Variants in CENPN observed in about 807,000 individuals in gnomAD.
CENPN encodes the protein interphase centromere complex protein 32.
CENPN carries 36 observed loss-of-function variants against 48.6 expected under a neutral mutation model. The observed-to-expected ratio is 0.74, with a 90% confidence interval of 0.57 to 0.98. CENPN has a LOEUF of 0.98. CENPN is among the 50% of genes least tolerant of loss of function. The pLI, the probability that CENPN is intolerant of heterozygous loss-of-function variation, is 0.00. For synonymous variants in CENPN, 166 were observed against 135.2 expected (o/e 1.23, Z -1.58); for missense variants, 439 against 399.2 (o/e 1.10, Z -0.85).
At position 81,030,182 on chromosome 16, in the gene CENPN, T is replaced by G; in HGVS notation, c.*1531T>G. ...GGTTATTACAATTCAAGGTGACACT[T>G]GTGTGGAGACACAGCCAAACCATAT... is the stretch of plus-strand genomic sequence containing the variant. On this transcript the variant is annotated 3_prime_UTR_variant, in exon 11 of 11. Transcript: ENST00000305850. 1 of 985,204 alleles carries G rather than the reference T, an allele frequency of 1.0e-6. No homozygotes were observed. The highest frequency in any genetic ancestry group is 1.2e-6 in the Non-Finnish European group (1 of 829,704). The allele number at this position is 985,204 out of a possible 1,614,324, so 61.0% of individuals were successfully genotyped here. A position where few individuals can be genotyped will look rare whatever the true frequency, so the allele number is the denominator to read the frequency against.
chr16:81,022,206 T>C (rs151176759), intron 6 of CENPN: 2 of 231,010 alleles, frequency 8.7e-6, no homozygotes, highest in East Asian at 1.3e-4. Context: ...TACACACTTA[T>C]TTCTTCAGTA....
rs201073061 is a variant in CENPN at position 81,028,658 on chromosome 16, C to T, written c.*7C>T. ...TAAAATTAGAGATAAATAAGACGTG[C>T]GTGGTTTCTTAAGCACAGCTCCTCC... On this transcript the variant is annotated 3_prime_UTR_variant, in exon 11 of 11. Transcript: ENST00000305850. The T allele has an allele frequency of 3.0e-4, 481 of 1,608,554 alleles. No homozygotes were observed. Among genetic ancestry groups the T allele is most frequent in the Middle Eastern group, 6.6e-4 (4 of 6,050 alleles).
chr16:81,007,766 G>A (rs1969513194), intron 1 of CENPN, among the ~76,000 whole-genome samples: 1 of 152,158 alleles, frequency 6.6e-6, no homozygotes, highest in African/African-American at 2.4e-5. Flanking sequence ...CAGATCTTGA[G>A]CATCTACTGT....
At chr16:81,020,680 AC>A (rs1438898046) in intron 6 of CENPN, among the ~76,000 whole-genome samples, 1 of 152,196 alleles carries the variant, frequency 6.6e-6, no homozygotes, top group Non-Finnish European at 1.5e-5. Context: ...TGCAACCGAT[AC>A]AGAAGTCTCT....
chr16:81,031,542 G>A (rs1209895571), downstream of CENPN: 1 of 152,144 alleles, frequency 6.6e-6, no homozygotes, highest in Non-Finnish European at 1.5e-5. Context: ...GAATTGAGTG[G>A]GACAAAAAAG....
chr16:81,020,524 T>C (rs1005725465), intron 6 of CENPN: 11 of 347,734 alleles, frequency 3.2e-5, no homozygotes, highest in South Asian at 8.7e-5. Flanking sequence ...AAAAAAGATA[T>C]AGAATACCAC....
intron 8 of CENPN, among the ~76,000 whole-genome samples, chr16:81,025,528 T>C (rs1444334967): frequency 6.6e-6 from 1 of 152,064 alleles, no homozygotes; most frequent in Non-Finnish European, 1.5e-5. Flanking sequence ...AATCAGGATA[T>C]AAAATTGTGT....
chr16:81,014,433 G>C (rs147317575), intron 3 of CENPN: 45 of 435,160 alleles, frequency 1.0e-4, no homozygotes, highest in Non-Finnish European at 5.0e-5. Flanking sequence ...AGGTTTTGCC[G>C]TGTTGCCCAG....
intron 2 of CENPN, among the ~76,000 whole-genome samples, chr16:81,013,280 G>T (rs144176880): frequency 4.7e-4 from 71 of 152,340 alleles, no homozygotes; most frequent in African/African-American, 1.7e-3. Context: ...CCAAAAAAAT[G>T]AGTACACACT....
intron 3 of CENPN, among the ~76,000 whole-genome samples, chr16:81,014,658 A>G (rs1969867480): frequency 6.6e-6 from 1 of 152,180 alleles, no homozygotes; most frequent in African/African-American, 2.4e-5. Context: ...AAGCAGAGAT[A>G]ATAGTACATT....
chr16:81,025,689 CTCTTTTTTTTTTT>C (rs138998629), intron 8 of CENPN, among the ~76,000 whole-genome samples: 90,297 of 135,090 alleles, frequency 0.67, 32,692 homozygotes, highest in South Asian at 0.82. Flanking sequence ...GACCCTGTCT[CTCTTTTTTTTTTT>C]TTTTTTTTTT....
In CENPN at chr16:81,024,882, TTTA is replaced by T. The variant is rs1402092531; in HGVS notation, c.697+107_697+109del. The stretch of plus-strand genomic sequence containing the variant: ...TATAGTAGGATCCTAATTTAAAACT[TTTA>T]TTGTTTTCAGAAAAATTGAAAAGTA... On this transcript the variant is annotated intron_variant, in intron 8 of 10. Coordinates refer to ENST00000305850, the MANE Select transcript of CENPN (RefSeq NM_001100624.3). 6.4e-5 allele frequency: 42 copies of T among 655,850 alleles called. No individual in the cohort carries two copies. In the African/African-American group the frequency reaches 7.5e-4, roughly 12 times the overall value. The allele number at this position is 655,850 out of a possible 1,614,324, so 40.6% of individuals were successfully genotyped here. A position where few individuals can be genotyped will look rare whatever the true frequency, so the allele number is the denominator to read the frequency against.
At chr16:81,009,927 G>C (rs1279018066) in intron 1 of CENPN, among the ~76,000 whole-genome samples, 2 of 152,192 alleles carry the variant, frequency 1.3e-5, no homozygotes, top group Non-Finnish European at 2.9e-5. Flanking sequence ...GACCACGCGC[G>C]GTGGCTCACA....
downstream of CENPN, among the ~76,000 whole-genome samples, chr16:81,031,791 CAG>C: frequency 6.6e-6 from 1 of 152,132 alleles, no homozygotes. Flanking sequence ...TTAGTAGAGA[CAG>C]GGTTTCACCA....
Position 81,007,289 on chromosome 16 carries a change from C to G in CENPN, c.-11+12C>G, listed in dbSNP as rs996750726. On this transcript the variant is annotated intron_variant, in intron 1 of 10. Coordinates refer to ENST00000305850, the MANE Select transcript of CENPN (RefSeq NM_001100624.3). The stretch of plus-strand genomic sequence containing the variant: ...GGAGATGTGGGCCGGTAAGAGAGCC[C>G]CGGGCGGCACTGGATCGGGCCCCGG... 1 of 153,604 alleles carries G rather than the reference C, an allele frequency of 6.5e-6. No individual in the cohort carries two copies. The highest frequency in any genetic ancestry group is 2.4e-5 in the African/African-American group (1 of 41,482). 9.5% of individuals were successfully genotyped at this position (153,604 alleles called of 1,614,324 possible). A position where few individuals can be genotyped will look rare whatever the true frequency, so the allele number is the denominator to read the frequency against.
chr16:81,032,443 T>A (rs149321789), downstream of CENPN: 23 of 897,952 alleles, frequency 2.6e-5, no homozygotes, highest in Non-Finnish European at 8.5e-6. Flanking sequence ...CCACACCCCA[T>A]TGGGGGTTGG....
rs368721035 is a variant in CENPN at position 81,012,075 on chromosome 16, G to C, written c.136G>C (p.Glu46Gln). 5.7e-5 allele frequency: 92 copies of C among 1,613,990 alleles called. No homozygotes were observed. Among genetic ancestry groups the C allele is most frequent in the Non-Finnish European group, 7.6e-5 (90 of 1,180,014 alleles). Reference protein sequence around the residue: ...LQTVNFRQRKESVVQHLIHLC... With the variant: ...LQTVNFRQRKQSVVQHLIHLC... Reference sequence around the variant, plus strand: ...GACTGTAAATTTCCGACAGAGAAAGGAATCTGTAGTTCAGCACTTGATCCA... The same window carrying C: ...GACTGTAAATTTCCGACAGAGAAAGCAATCTGTAGTTCAGCACTTGATCCA... The change falls in exon 2 of 11, where the codon GAA becomes CAA. Residue 46 changes from glutamate (E) to glutamine (Q), a missense_variant. Glu to Gln is a conservative substitution (Grantham distance 29). Transcript: ENST00000305850.
In CENPN at chr16:81,030,520, G is replaced by C; in HGVS notation, c.*1869G>C. ...TCCTAGCACTTTGGGAAGCCGAGGT[G>C]GGCAGATCACCCGAGGTCAGGAGTT... On this transcript the variant is annotated 3_prime_UTR_variant, in exon 11 of 11. Transcript: ENST00000305850. The C allele has an allele frequency of 2.1e-6, 1 of 480,400 alleles. No homozygotes were observed. The highest frequency in any genetic ancestry group is 2.7e-6 in the Non-Finnish European group (1 of 368,774). 29.8% of individuals were successfully genotyped at this position (480,400 alleles called of 1,614,324 possible). A position where few individuals can be genotyped will look rare whatever the true frequency, so the allele number is the denominator to read the frequency against.
chr16:81,013,084 C>G, intron 2 of CENPN, among the ~76,000 whole-genome samples: 1 of 152,036 alleles, frequency 6.6e-6, no homozygotes, highest in East Asian at 1.9e-4. Context: ...TACTAATGTT[C>G]ACAGCAACAT....
Sources: gnomAD v4.1 joint callset for allele counts (sites outside exome capture counted in the v4.1 genomes callset) on GRCh38, gnomAD v4.1.1 for gene constraint, MANE v1.5 for transcripts, NCBI Gene and HGNC (gene_info 2026-07-23, HGNC 2026-07-21) for gene names.